Variants in PARD3 observed in about 807,000 individuals in gnomAD.
PARD3 encodes par-3 family cell polarity regulator.
Under a neutral mutation model 155.4 loss-of-function variants are expected in PARD3, and 75 were observed. The observed-to-expected ratio is 0.48, with a 90% CI of 0.40 to 0.58. The LOEUF (loss-of-function observed/expected upper bound fraction) is 0.58. Ranked by LOEUF, PARD3 falls within the 20% of genes least tolerant of loss-of-function variation. The pLI is 0.00. For missense variants in PARD3, 1,642 were observed against 1,721.7 expected (o/e 0.95, Z 0.82); for synonymous variants, 576 against 610.5 (o/e 0.94, Z 0.83).
chr10:34,432,449 G>A (rs531604290), intron 5 of PARD3, among the ~76,000 whole-genome samples: 612 of 151,886 alleles, frequency 4.0e-3, no homozygotes, highest in Non-Finnish European at 6.9e-3. Flanking sequence ...GATAATAAGA[G>A]AGTAAGTTTG....
chr10:34,475,017 AGCAT>A (rs1416929451), intron 3 of PARD3, among the ~76,000 whole-genome samples: 1 of 152,208 alleles, frequency 6.6e-6, no homozygotes, highest in African/African-American at 2.4e-5. Flanking sequence ...AAAATAGGAA[AGCAT>A]GCCTGCAAGG....
intron 2 of PARD3, among the ~76,000 whole-genome samples, chr10:34,605,839 CTA>C (rs772021342): frequency 1.2e-3 from 9 of 7,460 alleles, no homozygotes; most frequent in East Asian, 3.9e-3. Flanking sequence ...TATATATCTC[CTA>C]TATATATATA....
At chr10:34,697,771 T>TCA (rs145318885) in intron 1 of PARD3, among the ~76,000 whole-genome samples, 14,860 of 150,226 alleles carry the variant, frequency 0.099, 1,595 homozygotes, top group African/African-American at 0.27. Flanking sequence ...AAACAAACAC[T>TCA]CACACACACA....
chr10:34,494,432 C>T (rs980695270), intron 3 of PARD3, among the ~76,000 whole-genome samples: 1 of 152,172 alleles, frequency 6.6e-6, no homozygotes, highest in Non-Finnish European at 1.5e-5. Context: ...TGGGAAGCTG[C>T]TGAAGGTTTT....
intron 22 of PARD3, among the ~76,000 whole-genome samples, chr10:34,212,445 C>T (rs1291818348): frequency 6.6e-6 from 1 of 152,218 alleles, no homozygotes; most frequent in Non-Finnish European, 1.5e-5. Context: ...GTATTCTGCT[C>T]TTTTCCCACA....
Position 34,733,874 on chromosome 10 carries a change from T to C in PARD3, c.121-37455A>G, listed in dbSNP as rs371104798. On this transcript the variant is annotated intron_variant, in intron 1 of 24. Transcript: ENST00000374788. Reference sequence around the variant, plus strand: ...TAATATAAACCATCTTTCTCAAAACTCCTAATATAAAGCTAACACCAATTC... The same window carrying C: ...TAATATAAACCATCTTTCTCAAAACCCCTAATATAAAGCTAACACCAATTC... Among the ~76,000 whole-genome samples, 4 of 151,918 alleles carry C rather than the reference T, an allele frequency of 2.6e-5. No individual in the cohort carries two copies. The East Asian group carries it at 7.7e-4, about 29-fold the overall frequency.
At chr10:34,398,752 G>A (rs543830208) in intron 7 of PARD3, among the ~76,000 whole-genome samples, 2 of 152,138 alleles carry the variant, frequency 1.3e-5, no homozygotes, top group Non-Finnish European at 2.9e-5. Flanking sequence ...AACATTTGAA[G>A]TTTTTAAGGA....
rs115487956 is a variant in PARD3 at position 34,607,533 on chromosome 10, A to C, written c.222+88785T>G. On this transcript the variant is annotated intron_variant, in intron 2 of 24. Coordinates refer to ENST00000374788, the MANE Select transcript of PARD3 (RefSeq NM_001184785.2). ...AAAGGGATATTCTGTGTTTTGTACA[A>C]ATTCTAATAATTACACAAATTCCAA... Among the ~76,000 whole-genome samples the C allele has an allele frequency of 8.2e-3, 1,243 of 152,340 alleles. 17 individuals are homozygous for C. The highest frequency in any genetic ancestry group is 0.028 in the African/African-American group (1,180 of 41,582).
At chr10:34,501,310 T>G (rs1400561969) in intron 3 of PARD3, among the ~76,000 whole-genome samples, 1 of 152,116 alleles carries the variant, frequency 6.6e-6, no homozygotes, top group Non-Finnish European at 1.5e-5. Context: ...AGTGTGTGTG[T>G]GGCACCCCCC....
At chr10:34,742,962 C>T (rs2095045699) in intron 1 of PARD3, among the ~76,000 whole-genome samples, 1 of 152,144 alleles carries the variant, frequency 6.6e-6, no homozygotes, top group Non-Finnish European at 1.5e-5. Flanking sequence ...CCAAGTACCA[C>T]TCAGCCATTT....
chr10:34,725,030 C>T (rs1310684658), intron 1 of PARD3, among the ~76,000 whole-genome samples: 2 of 152,040 alleles, frequency 1.3e-5, no homozygotes, highest in African/African-American at 2.4e-5. Flanking sequence ...CTGCCCGTTT[C>T]CCTCATCTGA....
chr10:34,803,838 T>G (rs570739167), intron 1 of PARD3, among the ~76,000 whole-genome samples: 5 of 152,030 alleles, frequency 3.3e-5, no homozygotes, highest in Non-Finnish European at 7.4e-5. Context: ...ATAACAATAA[T>G]CAAGTTCAGG....
chr10:34,769,563 T>G (rs1316346152), intron 1 of PARD3, among the ~76,000 whole-genome samples: 1 of 151,778 alleles, frequency 6.6e-6, no homozygotes, highest in Non-Finnish European at 1.5e-5. Context: ...CGACACCAGC[T>G]TGGGCAACAC....
chr10:34,378,071 C>G lies in PARD3; in HGVS notation c.1435G>C (p.Asp479His). The G allele has an allele frequency of 6.3e-7, 1 of 1,595,952 alleles. No individual in the cohort carries two copies. Among genetic ancestry groups the G allele is most frequent in the Non-Finnish European group, 8.5e-7 (1 of 1,172,776 alleles). ...EGLGFSITSRDVTIGGSAPIY... is the reference protein window; with the variant it reads ...EGLGFSITSRHVTIGGSAPIY... ...GGAGCTGAGCCACCTATTGTTACAT[C>G]TCTGGAAGTGATGCTGAATCCCAAA... The change falls in exon 10 of 25, where the codon GAT (aspartate) becomes CAT (histidine). Residue 479 changes from aspartate (D) to histidine (H), a missense_variant. By Grantham distance (81) the Asp-to-His change is moderately conservative. This residue lies in a region of PARD3 where 1,529 missense variants were observed against 1,587.3 expected (regional missense o/e 0.96). Coordinates refer to ENST00000374788, the MANE Select transcript of PARD3 (RefSeq NM_001184785.2).
intron 2 of PARD3, among the ~76,000 whole-genome samples, chr10:34,564,885 T>C (rs930560014): frequency 6.6e-6 from 1 of 152,210 alleles, no homozygotes; most frequent in Non-Finnish European, 1.5e-5. Context: ...CCAATGTTCA[T>C]GCAACTCATT....
intron 1 of PARD3, among the ~76,000 whole-genome samples, chr10:34,813,769 A>G (rs1363100535): frequency 6.6e-6 from 1 of 152,228 alleles, no homozygotes; most frequent in East Asian, 1.9e-4. Context: ...CGTCATTTGC[A>G]GCCCCCAAGC....
intron 3 of PARD3, among the ~76,000 whole-genome samples, chr10:34,474,835 T>C (rs765003407): frequency 7.2e-5 from 11 of 152,218 alleles, no homozygotes; most frequent in Non-Finnish European, 1.6e-4. Context: ...AGTAGAATTA[T>C]GCACTGAGAA....
intron 22 of PARD3, among the ~76,000 whole-genome samples, chr10:34,264,064 T>C (rs1955167884): frequency 6.6e-6 from 1 of 152,190 alleles, no homozygotes; most frequent in Non-Finnish European, 1.5e-5. Context: ...ATGATTCAAC[T>C]TAAGATTTTT....
chr10:34,144,267 C>T (rs1281379305), intron 22 of PARD3, among the ~76,000 whole-genome samples: 1 of 152,108 alleles, frequency 6.6e-6, no homozygotes, highest in East Asian at 1.9e-4. Context: ...TTAAAAGAAT[C>T]ATTAAAAGAA....
Sources: allele counts gnomAD v4.1 joint callset (sites outside exome capture counted in the v4.1 genomes callset), GRCh38; gene constraint gnomAD v4.1.1; regional missense constraint gnomAD v4.1.1; transcripts MANE v1.5; gene names NCBI Gene and HGNC (gene_info 2026-07-23, HGNC 2026-07-21).